Variants in VPS13B observed in about 807,000 individuals in gnomAD.
VPS13B encodes vacuolar protein sorting 13 homolog B, also known as intermembrane lipid transfer protein VPS13B.
VPS13B carries 285 observed loss-of-function variants against 426.4 expected under a neutral mutation model. The ratio of observed to expected loss-of-function variants is 0.67; its 90% CI spans 0.61 to 0.74. VPS13B has a LOEUF of 0.74. VPS13B is among the 30% of genes least tolerant of loss of function. The pLI, the probability that VPS13B is intolerant of heterozygous loss-of-function variation, is 0.00. For synonymous variants in VPS13B, 1,676 were observed against 1,676.4 expected (o/e 1.00, Z 0.01); for missense variants, 4,537 against 4,782.6 (o/e 0.95, Z 1.51).
intron 30 of VPS13B, among the ~76,000 whole-genome samples, chr8:99,537,014 A>G (rs1388696879): frequency 6.6e-6 from 1 of 152,232 alleles, no homozygotes; most frequent in Non-Finnish European, 1.5e-5. Context: ...ACCATGTCAA[A>G]TTATGCTGTA....
rs1034769202 is a variant in VPS13B, at chr8:99,635,391, G to A, written c.5221-6420G>A. Among the ~76,000 whole-genome samples, 8 of 151,996 alleles carry A rather than the reference G, an allele frequency of 5.3e-5. No homozygotes were observed. In the South Asian group the frequency reaches 6.2e-4, roughly 12 times the overall value. On this transcript the variant is annotated intron_variant, in intron 33 of 61. Coordinates refer to ENST00000357162, the MANE Select transcript of VPS13B (RefSeq NM_152564.5). ...ATTGGCAAAATATATTTTGATCAAGGAAAAGGTATGACTGTTGCCTGTTGG... is the reference window on the plus strand; with the variant it reads ...ATTGGCAAAATATATTTTGATCAAGAAAAAGGTATGACTGTTGCCTGTTGG...
intron 21 of VPS13B, among the ~76,000 whole-genome samples, chr8:99,414,073 T>G (rs568777285): frequency 1.4e-4 from 21 of 152,214 alleles, no homozygotes; most frequent in Admixed American, 2.6e-4. Flanking sequence ...AGTCTCTTTG[T>G]ATGTCTCTAA....
chr8:99,160,652 A>C (rs1811599753), intron 15 of VPS13B, among the ~76,000 whole-genome samples: 1 of 82,616 alleles, frequency 1.2e-5, no homozygotes, highest in Admixed American at 1.7e-4. Flanking sequence ...CCCTGTCTCA[A>C]AAAAAAAAAA....
At position 99,609,919 on chromosome 8, in the gene VPS13B, C is replaced by T. The variant is rs145707179; in HGVS notation, c.5221-31892C>T. Reference sequence around the variant, plus strand: ...ATGTCAACAGGGTGAAAAACACAAGCAGTGCCTTAGAATTATTATGAAATT... The same window carrying T: ...ATGTCAACAGGGTGAAAAACACAAGTAGTGCCTTAGAATTATTATGAAATT... On this transcript the variant is annotated intron_variant, in intron 33 of 61. Coordinates refer to ENST00000357162, the MANE Select transcript of VPS13B (RefSeq NM_152564.5). Among the ~76,000 whole-genome samples the T allele has an allele frequency of 6.2e-3, 949 of 152,302 alleles. 8 individuals carry two copies. Among genetic ancestry groups the T allele is most frequent in the African/African-American group, 0.021 (891 of 41,562 alleles).
intron 17 of VPS13B, among the ~76,000 whole-genome samples, chr8:99,193,715 T>C (rs1813734919): frequency 6.6e-6 from 1 of 152,080 alleles, no homozygotes; most frequent in Admixed American, 6.5e-5. Flanking sequence ...TTTTAATTTA[T>C]CTGTTAAAAT....
At chr8:99,088,183 CAAAAAAAAAAAA>C (rs1326004820) in intron 3 of VPS13B, among the ~76,000 whole-genome samples, 2 of 64,846 alleles carry the variant, frequency 3.1e-5, no homozygotes, top group Non-Finnish European at 5.9e-5. Context: ...GACCCTGTCT[CAAAAAAAAAAAA>C]AAAAAAAATT....
At chr8:99,046,057 A>G (rs1206194918) in intron 3 of VPS13B, among the ~76,000 whole-genome samples, 1 of 152,070 alleles carries the variant, frequency 6.6e-6, no homozygotes, top group Admixed American at 6.6e-5. Context: ...TACGAATTTT[A>G]GGATTTTTTT....
intron 29 of VPS13B, among the ~76,000 whole-genome samples, chr8:99,514,373 T>C (rs1227976444): frequency 6.6e-6 from 1 of 152,214 alleles, no homozygotes; most frequent in Non-Finnish European, 1.5e-5. Context: ...CATAATGTTG[T>C]GCAACCATCA....
intron 35 of VPS13B, among the ~76,000 whole-genome samples, chr8:99,663,950 T>C (rs1367726769): frequency 6.6e-6 from 1 of 152,010 alleles, no homozygotes; most frequent in East Asian, 1.9e-4. Context: ...AATGAATAAA[T>C]GAAAAATTAT....
At chr8:99,837,967 C>A (rs1045492907) in intron 54 of VPS13B, among the ~76,000 whole-genome samples, 1 of 152,196 alleles carries the variant, frequency 6.6e-6, no homozygotes, top group South Asian at 2.1e-4. Flanking sequence ...TTCAGTCAAG[C>A]CCTCTGCTTC....
At chr8:99,091,403 T>C (rs1407852313) in intron 3 of VPS13B, among the ~76,000 whole-genome samples, 5 of 152,196 alleles carry the variant, frequency 3.3e-5, no homozygotes, top group Non-Finnish European at 7.4e-5. Context: ...TCATTTCTTT[T>C]TCCTTTTTCC....
At chr8:99,823,735 G>A (rs1197676436) in intron 50 of VPS13B, 97 bp from the exon 51 acceptor site, 3 of 1,311,580 alleles carry the variant, frequency 2.3e-6, no homozygotes, top group Non-Finnish European at 3.3e-6. Flanking sequence ...TACTGTCCTG[G>A]CAGACAATTA....
chr8:99,090,289 A>G (rs1437026098), intron 3 of VPS13B, among the ~76,000 whole-genome samples: 2 of 143,468 alleles, frequency 1.4e-5, no homozygotes, highest in Non-Finnish European at 1.5e-5. Flanking sequence ...TTTTTTTCAC[A>G]CAGAGTCTCT....
chr8:99,598,574 CT>C (rs1331298552), intron 33 of VPS13B, among the ~76,000 whole-genome samples: 1 of 151,958 alleles, frequency 6.6e-6, no homozygotes, highest in Non-Finnish European at 1.5e-5. Flanking sequence ...ATAAATAAAA[CT>C]TTTGTAGGAA....
chr8:99,624,007 ATTTT>A (rs1165382455), intron 33 of VPS13B, among the ~76,000 whole-genome samples: 26 of 101,090 alleles, frequency 2.6e-4, no homozygotes, highest in African/African-American at 8.8e-4. Context: ...ATATATATAT[ATTTT>A]TTTTTTTTTT....
chr8:99,615,117 CA>C (rs747102670), intron 33 of VPS13B, among the ~76,000 whole-genome samples: 1,620 of 58,630 alleles, frequency 0.028, 9 homozygotes, highest in African/African-American at 0.057. Flanking sequence ...AACTCCGTCT[CA>C]AAAAAAAAAA....
intron 30 of VPS13B, among the ~76,000 whole-genome samples, chr8:99,533,186 A>G (rs561082246): frequency 5.3e-5 from 8 of 152,052 alleles, no homozygotes; most frequent in Non-Finnish European, 8.8e-5. Flanking sequence ...TGATCCGCCC[A>G]CCTTGGCCTC....
intron 33 of VPS13B, among the ~76,000 whole-genome samples, chr8:99,641,544 AG>A: frequency 6.6e-6 from 1 of 152,230 alleles, no homozygotes; most frequent in African/African-American, 2.4e-5. Context: ...ATTAATGCAA[AG>A]AAAGAAGATC....
intron 21 of VPS13B, among the ~76,000 whole-genome samples, chr8:99,416,845 C>G (rs975062016): frequency 5.9e-5 from 9 of 152,182 alleles, no homozygotes; most frequent in Non-Finnish European, 7.3e-5. Flanking sequence ...GAGCTGCAGA[C>G]CTGTGCTGTT....
Sources: gnomAD v4.1 joint callset for allele counts (sites outside exome capture counted in the v4.1 genomes callset) on GRCh38, gnomAD v4.1.1 for gene constraint, MANE v1.5 for transcripts, NCBI Gene and HGNC (gene_info 2026-07-23, HGNC 2026-07-21) for gene names.